The following KCNT2 variants were observed in gnomAD, a reference collection of about 807,000 sequenced individuals.
The protein encoded by KCNT2 is potassium channel subfamily T member 2.
In KCNT2, 67 loss-of-function variants were observed where a neutral mutation model predicts 153.8. That is an observed-to-expected ratio of 0.44 (90% confidence interval 0.36 to 0.53). The LOEUF (loss-of-function observed/expected upper bound fraction) is 0.53, where lower values mean the gene tolerates loss of function less well. Among genes scored for constraint, KCNT2 ranks in the 20% least tolerant of loss-of-function variants. The pLI is 0.00. For synonymous variants in KCNT2, 500 were observed against 458.8 expected, an observed-to-expected ratio of 1.09 and a Z score of -1.15; for missense variants, 975 against 1,354.8, an observed-to-expected ratio of 0.72 and a Z score of 4.40.
intron 5 of KCNT2, 33 bp from the exon 6 acceptor site, chr1:196,469,101 A>G: frequency 8.0e-7 from 1 of 1,247,134 alleles, no homozygotes. Flanking sequence ...AACGAAAGTC[A>G]ATTATACTGC....
At chr1:196,352,370 C>T (rs1239272520) in intron 14 of KCNT2, among the ~76,000 whole-genome samples, 1 of 151,812 alleles carries the variant, frequency 6.6e-6, no homozygotes, top group African/African-American at 2.4e-5. Context: ...TTGATTATTG[C>T]CACAATTTCA....
At chr1:196,608,192 C>A (rs1665533495) in intron 1 of KCNT2, 23 bp downstream of exon 1, 1 of 1,606,180 alleles carries the variant, frequency 6.2e-7, no homozygotes, top group African/African-American at 1.3e-5. Flanking sequence ...ATTTACAGAA[C>A]AATCCTCCAC....
At chr1:196,505,724 T>C (rs1256792511) in intron 1 of KCNT2, among the ~76,000 whole-genome samples, 1 of 152,034 alleles carries the variant, frequency 6.6e-6, no homozygotes, top group Non-Finnish European at 1.5e-5. Flanking sequence ...GAGCATGGAA[T>C]GTTCTTCCAT....
intron 26 of KCNT2, among the ~76,000 whole-genome samples, chr1:196,239,891 G>A (rs1654794010): frequency 6.6e-6 from 1 of 151,930 alleles, no homozygotes; most frequent in South Asian, 2.1e-4. Context: ...CACATTAGAA[G>A]AAGAAGAGAT....
intron 1 of KCNT2, among the ~76,000 whole-genome samples, chr1:196,523,451 A>G (rs1200421367): frequency 6.6e-6 from 1 of 152,090 alleles, no homozygotes; most frequent in African/African-American, 2.4e-5. Flanking sequence ...TAGACTGGTG[A>G]CACCTACAGA....
chr1:196,559,731 C>A (rs1659136581), intron 1 of KCNT2, among the ~76,000 whole-genome samples: 1 of 151,672 alleles, frequency 6.6e-6, no homozygotes, highest in African/African-American at 2.4e-5. Flanking sequence ...GTGATGTAAT[C>A]TTTCTGTGGT....
chr1:196,302,955 T>C (rs1004626687), intron 22 of KCNT2, among the ~76,000 whole-genome samples: 2 of 151,888 alleles, frequency 1.3e-5, no homozygotes, highest in Non-Finnish European at 2.9e-5. Flanking sequence ...TGTTGATGTA[T>C]TGAGTTTCTT....
intron 8 of KCNT2, among the ~76,000 whole-genome samples, chr1:196,443,894 T>C (rs960952265): frequency 2.0e-5 from 3 of 151,466 alleles, no homozygotes; most frequent in African/African-American, 7.3e-5. Flanking sequence ...TAGACATTAA[T>C]TTGCATGGAC....
chr1:196,404,437 A>T (rs2148459831), intron 12 of KCNT2, among the ~76,000 whole-genome samples: 1 of 151,816 alleles, frequency 6.6e-6, no homozygotes, highest in South Asian at 2.1e-4. Context: ...AACAAGGCTT[A>T]CGACAACCTT....
chr1:196,297,655 T>C (rs553950192), intron 22 of KCNT2, among the ~76,000 whole-genome samples: 1 of 152,294 alleles, frequency 6.6e-6, no homozygotes, highest in South Asian at 2.1e-4. Context: ...TTCAAATTAT[T>C]TTTGGATGAA....
At chr1:196,284,248 A>AAAAAAT in intron 23 of KCNT2, among the ~76,000 whole-genome samples, 19 of 10,042 alleles carry the variant, frequency 1.9e-3, no homozygotes, top group African/African-American at 2.2e-3. Context: ...AAAAAAAAAA[A>AAAAAAT]ATATATATAT....
At chr1:196,451,275 C>T (rs1299428056) in intron 8 of KCNT2, among the ~76,000 whole-genome samples, 4 of 115,158 alleles carry the variant, frequency 3.5e-5, no homozygotes, top group Non-Finnish European at 5.1e-5. Context: ...CTCCATCTCA[C>T]TCTGTTGCCC....
At chr1:196,455,297 A>G (rs1163374039) in intron 8 of KCNT2, among the ~76,000 whole-genome samples, 1 of 152,058 alleles carries the variant, frequency 6.6e-6, no homozygotes, top group Admixed American at 6.6e-5. Context: ...CAGAGATTAG[A>G]ACATGGACAT....
chr1:196,279,265 C>T (rs990623398), intron 25 of KCNT2, among the ~76,000 whole-genome samples: 1 of 152,048 alleles, frequency 6.6e-6, no homozygotes, highest in East Asian at 1.9e-4. Flanking sequence ...TCTAGACAAA[C>T]ATCTTACATA....
chr1:196,300,598 C>T (rs1203806904), intron 22 of KCNT2, among the ~76,000 whole-genome samples: 2 of 152,052 alleles, frequency 1.3e-5, no homozygotes, highest in South Asian at 2.1e-4. Context: ...ATAGGCCTTG[C>T]TAAGTCACCT....
intron 26 of KCNT2, among the ~76,000 whole-genome samples, chr1:196,254,208 A>G (rs1329334874): frequency 6.6e-6 from 1 of 151,506 alleles, no homozygotes. Flanking sequence ...TTCTATGAAC[A>G]GAATGAGATT....
intron 8 of KCNT2, among the ~76,000 whole-genome samples, chr1:196,430,202 C>A (rs1674015019): frequency 6.6e-6 from 1 of 151,756 alleles, no homozygotes; most frequent in African/African-American, 2.4e-5. Flanking sequence ...GAGGAGTTAA[C>A]AATTGCCAAA....
At chr1:196,438,195 A>G (rs1288793887) in intron 8 of KCNT2, among the ~76,000 whole-genome samples, 1 of 151,820 alleles carries the variant, frequency 6.6e-6, no homozygotes, top group Non-Finnish European at 1.5e-5. Context: ...GAATGAGAGA[A>G]ATAGAATAAT....
intron 11 of KCNT2, among the ~76,000 whole-genome samples, chr1:196,423,329 T>C (rs550511809): frequency 5.3e-5 from 8 of 151,940 alleles, no homozygotes; most frequent in Non-Finnish European, 8.8e-5. Context: ...TATTATAACT[T>C]AATGTTTTAT....
Sources: allele counts gnomAD v4.1 joint callset (sites outside exome capture counted in the v4.1 genomes callset), GRCh38; gene constraint gnomAD v4.1.1; transcripts MANE v1.5; gene names NCBI Gene and HGNC (gene_info 2026-07-23, HGNC 2026-07-21).